The following TTC6 variants were observed in gnomAD, a reference collection of about 807,000 sequenced individuals.
The protein encoded by TTC6 is tetratricopeptide repeat domain 6, also known as tetratricopeptide repeat protein 6.
In TTC6, 172 loss-of-function variants were observed where a neutral mutation model predicts 210.4. That is an observed-to-expected ratio of 0.82 (90% CI 0.72 to 0.93). The LOEUF (loss-of-function observed/expected upper bound fraction) is 0.93, where lower values mean the gene tolerates loss of function less well. TTC6 is among the 40% of genes least tolerant of loss of function. TTC6 has a pLI of 0.00. For missense variants in TTC6, 2,414 were observed against 2,318.1 expected (o/e 1.04, Z -0.85); for synonymous variants, 804 against 819.6 (o/e 0.98, Z 0.32).
At chr14:37,729,190 TAATG>T (rs1296827325) in intron 7 of TTC6, among the ~76,000 whole-genome samples, 1 of 152,224 alleles carries the variant, frequency 6.6e-6, no homozygotes, top group Admixed American at 6.5e-5. Context: ...CATTTTTTAA[TAATG>T]CAGTCTAACC....
At chr14:37,812,134 A>T (rs2096130904) in intron 24 of TTC6, among the ~76,000 whole-genome samples, 180 bp from the exon 27 acceptor site, 1 of 152,226 alleles carries the variant, frequency 6.6e-6, no homozygotes, top group African/African-American at 2.4e-5. Context: ...ATCAAGGTCC[A>T]TCATACATTT....
At chr14:37,701,444 A>C (rs777551659) in exon 5 of TTC6, 1 of 1,531,754 alleles carries the variant, frequency 6.5e-7, no homozygotes, top group East Asian at 2.4e-5. Flanking sequence ...CACTGCTAAC[A>C]GGAAAGGCCA....
chr14:37,753,338 C>T (rs1398762634), intron 14 of TTC6, 103 bp downstream of exon 16: 2 of 1,006,264 alleles, frequency 2.0e-6, no homozygotes, highest in Non-Finnish European at 2.8e-6. Flanking sequence ...TCTTTAAAAA[C>T]AATGAATCAA....
At chr14:37,834,854 T>C (rs184117885) in intron 29 of TTC6, among the ~76,000 whole-genome samples, 1 of 152,276 alleles carries the variant, frequency 6.6e-6, no homozygotes, top group Admixed American at 6.5e-5. Context: ...TGTAGATATA[T>C]CTATAAAGTG....
chr14:37,725,340 A>ATATATATATATAT (rs2095870456), intron 7 of TTC6, among the ~76,000 whole-genome samples: 1 of 103,072 alleles, frequency 9.7e-6, no homozygotes, highest in African/African-American at 3.4e-5. Flanking sequence ...ATATATATAT[A>ATATATATATATAT]TATATATATA....
intron 18 of TTC6, 143 bp from the exon 21 acceptor site, chr14:37,796,151 G>A (rs1007117169): frequency 1.8e-5 from 7 of 383,636 alleles, no homozygotes; most frequent in Non-Finnish European, 2.9e-5. Flanking sequence ...TATATAAAAT[G>A]TCTATAATTT....
At chr14:37,810,074 G>A (rs1455551382) in intron 24 of TTC6, among the ~76,000 whole-genome samples, 1 of 152,250 alleles carries the variant, frequency 6.6e-6, no homozygotes, top group East Asian at 1.9e-4. Flanking sequence ...TAGAAGGGAA[G>A]TTGAGAAACA....
rs2095815615 is a variant in TTC6, at chr14:37,696,753, G to T, written c.1294G>T (p.Glu432Ter). 12 of 1,469,032 alleles carry T rather than the reference G, an allele frequency of 8.2e-6. No individual in the cohort carries two copies. The highest frequency in any genetic ancestry group is 9.9e-6 in the Non-Finnish European group (11 of 1,113,720). The allele number at this position is 1,469,032 out of a possible 1,614,324, so 91.0% of individuals were successfully genotyped here. ...AGAATTCTTGCAAATCGAAGGAAAA[G>T]AAATTAAGCGAATGCGGAAACGTAA... is the stretch of plus-strand genomic sequence containing the variant. The change falls in exon 4 of 31, where the codon GAA (glutamate) becomes TAA (stop). Residue 432 changes from glutamate (E) to a stop codon, truncating the protein, a stop_gained. Coordinates refer to ENST00000553443, the Ensembl canonical transcript of TTC6. LOFTEE classifies it high-confidence loss of function.
chr14:37,660,724 G>A (rs531337263), intron 1 of TTC6, among the ~76,000 whole-genome samples: 1 of 152,272 alleles, frequency 6.6e-6, no homozygotes, highest in South Asian at 2.1e-4. Context: ...GGATTGCTGG[G>A]TCAAATGGTA....
intron 29 of TTC6, among the ~76,000 whole-genome samples, chr14:37,836,876 C>A (rs1346588059): frequency 6.6e-6 from 1 of 152,130 alleles, no homozygotes; most frequent in African/African-American, 2.4e-5. Flanking sequence ...AATCTGGCTT[C>A]TTTTATCTTT....
At chr14:37,722,378 G>C (rs2095863626) in intron 6 of TTC6, among the ~76,000 whole-genome samples, 2 of 152,230 alleles carry the variant, frequency 1.3e-5, no homozygotes, top group South Asian at 2.1e-4. Flanking sequence ...TTATTTACTA[G>C]TTTAATTTAA....
intron 3 of TTC6, among the ~76,000 whole-genome samples, chr14:37,683,485 TC>T (rs2095788256): frequency 6.6e-6 from 1 of 152,170 alleles, no homozygotes; most frequent in Non-Finnish European, 1.5e-5. Flanking sequence ...GGCTTTACTT[TC>T]CGAGGCTTTG....
intron 1 of TTC6, among the ~76,000 whole-genome samples, chr14:37,597,301 T>C (rs1057343325): frequency 3.9e-5 from 6 of 152,190 alleles, no homozygotes; most frequent in Non-Finnish European, 7.3e-5. Context: ...TCAGTGCTAA[T>C]GAGCTTCCTT....
intron 14 of TTC6, among the ~76,000 whole-genome samples, chr14:37,784,359 C>T (rs988171930): frequency 1.2e-4 from 19 of 152,074 alleles, no homozygotes; most frequent in African/African-American, 4.6e-4. Context: ...TGAATTGATC[C>T]GTTTACCATT....
upstream of TTC6, among the ~76,000 whole-genome samples, chr14:37,617,597 G>A (rs2095644832): frequency 6.6e-6 from 1 of 152,198 alleles, no homozygotes; most frequent in East Asian, 1.9e-4. Flanking sequence ...CATTCTCTTA[G>A]CAAAATTATT....
chr14:37,632,182 G>A (rs1003885506), intron 1 of TTC6, among the ~76,000 whole-genome samples: 1 of 152,124 alleles, frequency 6.6e-6, no homozygotes, highest in Non-Finnish European at 1.5e-5. Context: ...TGATCCTTTG[G>A]AGGACAAGAG....
intron 1 of TTC6, among the ~76,000 whole-genome samples, chr14:37,675,846 T>C (rs928418726): frequency 6.6e-6 from 1 of 152,048 alleles, no homozygotes. Context: ...TGGTCATCTT[T>C]TCATGTGCTT....
intron 14 of TTC6, among the ~76,000 whole-genome samples, chr14:37,763,975 A>G (rs1285964118): frequency 1.3e-5 from 2 of 151,696 alleles, no homozygotes; most frequent in Admixed American, 1.3e-4. Flanking sequence ...GCATCTCCTA[A>G]GTTTTGGTAT....
At chr14:37,810,767 A>G (rs2096127952) in intron 24 of TTC6, among the ~76,000 whole-genome samples, 1 of 152,196 alleles carries the variant, frequency 6.6e-6, no homozygotes, top group Non-Finnish European at 1.5e-5. Flanking sequence ...GCACTTAGGC[A>G]TTCTCCCAAG....
Sources: allele counts gnomAD v4.1 joint callset (sites outside exome capture counted in the v4.1 genomes callset), GRCh38; gene constraint gnomAD v4.1.1; transcripts MANE v1.5; gene names NCBI Gene and HGNC (gene_info 2026-07-23, HGNC 2026-07-21).